SRBD1: variants seen among roughly 807,000 people sequenced by gnomAD.
The protein encoded by SRBD1 is S1 RNA binding domain 1.
In SRBD1, 88 loss-of-function variants were observed where a neutral mutation model predicts 115.3. The ratio of observed to expected loss-of-function variants is 0.76; its 90% confidence interval spans 0.64 to 0.91. The LOEUF is 0.91. Among genes scored for constraint, SRBD1 ranks in the 40% least tolerant of loss-of-function variants. The probability of loss-of-function intolerance (pLI) is 0.00; values close to 1 mark genes in which losing one functional copy is unlikely to be tolerated. For missense variants in SRBD1, 1,385 were observed against 1,177.4 expected (o/e 1.18, Z -2.58); for synonymous variants, 509 against 407.7 (o/e 1.25, Z -2.99).
At chr2:45,515,571 C>G (rs931293321) in intron 14 of SRBD1, among the ~76,000 whole-genome samples, 13 of 152,060 alleles carry the variant, frequency 8.5e-5, no homozygotes, top group Non-Finnish European at 4.4e-5. Flanking sequence ...GGTTCAAATC[C>G]AAGACTGTAT....
intron 14 of SRBD1, among the ~76,000 whole-genome samples, chr2:45,545,330 T>A (rs1345751327): frequency 7.3e-6 from 1 of 136,776 alleles, no homozygotes; most frequent in African/African-American, 3.0e-5. Context: ...TGAACCCAGA[T>A]TTGTCTGACC....
intron 16 of SRBD1, among the ~76,000 whole-genome samples, chr2:45,442,517 T>C (rs1668700390): frequency 6.6e-6 from 1 of 152,114 alleles, no homozygotes; most frequent in South Asian, 2.1e-4. Context: ...TTAAAGAAAA[T>C]ACAAATTGAA....
intron 14 of SRBD1, among the ~76,000 whole-genome samples, chr2:45,540,005 T>G (rs1363919404): frequency 6.6e-6 from 1 of 151,954 alleles, no homozygotes; most frequent in African/African-American, 2.4e-5. Context: ...ATCAAGCAGA[T>G]TTGAAAAACA....
intron 14 of SRBD1, among the ~76,000 whole-genome samples, chr2:45,506,281 C>T (rs1257402274): frequency 6.6e-6 from 1 of 152,112 alleles, no homozygotes; most frequent in African/African-American, 2.4e-5. Flanking sequence ...TATTGGAATA[C>T]ACAAAGGGAT....
At chr2:45,436,921 G>T (rs1241054782) in intron 16 of SRBD1, among the ~76,000 whole-genome samples, 3 of 152,126 alleles carry the variant, frequency 2.0e-5, no homozygotes, top group Non-Finnish European at 4.4e-5. Context: ...TCACAGCAAG[G>T]TTGTAGGACA....
intron 19 of SRBD1, among the ~76,000 whole-genome samples, chr2:45,412,150 G>A (rs1006205136): frequency 1.2e-4 from 19 of 152,034 alleles, no homozygotes; most frequent in Non-Finnish European, 1.5e-5. Flanking sequence ...AAGATGGATG[G>A]ATAAGTAGAT....
intron 7 of SRBD1, among the ~76,000 whole-genome samples, chr2:45,579,269 G>A (rs570182095): frequency 2.0e-5 from 3 of 152,316 alleles, no homozygotes; most frequent in South Asian, 2.1e-4. Flanking sequence ...TACACTTGGA[G>A]GGAAATTTCA....
chr2:45,473,543 T>G (rs993519), intron 16 of SRBD1, among the ~76,000 whole-genome samples: 12,583 of 152,206 alleles, frequency 0.083, 717 homozygotes, highest in African/African-American at 0.16. Flanking sequence ...CAAAATTGTT[T>G]TTATTTTCCA....
intron 16 of SRBD1, among the ~76,000 whole-genome samples, chr2:45,436,484 A>G (rs6719139): frequency 0.8 from 121,663 of 152,172 alleles, 49,373 homozygotes; most frequent in African/African-American, 0.92. Flanking sequence ...AGAACTTCCT[A>G]TGACTGGGTA....
At chr2:45,536,280 T>A (rs542210828) in intron 14 of SRBD1, among the ~76,000 whole-genome samples, 1 of 152,000 alleles carries the variant, frequency 6.6e-6, no homozygotes, top group Non-Finnish European at 1.5e-5. Context: ...AACTTTCTTG[T>A]ATGAATGACA....
chr2:45,412,426 AAATAT>A (rs1379742128), intron 19 of SRBD1, among the ~76,000 whole-genome samples: 6 of 152,138 alleles, frequency 3.9e-5, no homozygotes, highest in Non-Finnish European at 4.4e-5. Flanking sequence ...TAAAATAATC[AAATAT>A]AAGTGATTTT....
At chr2:45,421,006 T>C (rs192271273) in intron 16 of SRBD1, among the ~76,000 whole-genome samples, 5 of 152,334 alleles carry the variant, frequency 3.3e-5, no homozygotes, top group Admixed American at 1.3e-4. Context: ...TTTTGGACAG[T>C]GACAAAACTC....
intron 4 of SRBD1, among the ~76,000 whole-genome samples, chr2:45,588,315 C>T (rs1673609746): frequency 6.6e-6 from 1 of 152,218 alleles, no homozygotes; most frequent in Admixed American, 6.5e-5. Flanking sequence ...CATTAGATGC[C>T]AGCCCAATAG....
At chr2:45,513,539 A>G (rs1004626549) in intron 14 of SRBD1, among the ~76,000 whole-genome samples, 2 of 152,160 alleles carry the variant, frequency 1.3e-5, no homozygotes, top group African/African-American at 4.8e-5. Context: ...GAAAAATTCA[A>G]AAGGTGTTAT....
chr2:45,421,506 CAAACAAAAAAAAAAAAAAAAAAAA>C (rs1371528537), intron 16 of SRBD1, among the ~76,000 whole-genome samples: 809 of 48,146 alleles, frequency 0.017, 36 homozygotes, highest in African/African-American at 0.061. Flanking sequence ...GACTCCGTCT[CAAACAAAAAAAAAAAAAAAAAAAA>C]AAAAAAAAAA....
chr2:45,594,992 C>G (rs1244029416), intron 4 of SRBD1, among the ~76,000 whole-genome samples: 1 of 152,122 alleles, frequency 6.6e-6, no homozygotes, highest in African/African-American at 2.4e-5. Flanking sequence ...GAAAGCAATC[C>G]ACTTTCTGTT....
At chr2:45,578,186 A>G (rs1673237111) in intron 7 of SRBD1, among the ~76,000 whole-genome samples, 1 of 152,240 alleles carries the variant, frequency 6.6e-6, no homozygotes, top group South Asian at 2.1e-4. Flanking sequence ...AAAGCAGTCG[A>G]TAAGCCTTTG....
At chr2:45,477,123 G>GT in intron 15 of SRBD1, 48 bp from the exon 16 acceptor site, 3 of 1,470,552 alleles carry the variant, frequency 2.0e-6, no homozygotes, top group Non-Finnish European at 1.9e-6. Context: ...GTGAAAAGCA[G>GT]TACCTAATAA....
At chr2:45,450,073 A>G (rs944883364) in intron 16 of SRBD1, among the ~76,000 whole-genome samples, 1 of 152,208 alleles carries the variant, frequency 6.6e-6, no homozygotes, top group African/African-American at 2.4e-5. Flanking sequence ...CTTTCTTAAC[A>G]GATGACATAA....
Sources: allele counts gnomAD v4.1 joint callset (sites outside exome capture counted in the v4.1 genomes callset), GRCh38; gene constraint gnomAD v4.1.1; transcripts MANE v1.5; gene names NCBI Gene and HGNC (gene_info 2026-07-23, HGNC 2026-07-21).